The following TANC2 variants were observed in gnomAD, a reference collection of about 807,000 sequenced individuals.
TANC2 encodes the protein protein TANC2.
Under a neutral mutation model 210.5 loss-of-function variants are expected in TANC2, and 26 were observed. The observed-to-expected ratio is 0.12, with a 90% CI of 0.09 to 0.17. The LOEUF is 0.17. Among genes scored for constraint, TANC2 ranks in the 10% least tolerant of loss-of-function variants. The pLI is 1.00. For missense variants in TANC2, 2,129 were observed against 2,608.9 expected (o/e 0.82, Z 4.01); for synonymous variants, 931 against 967.1 (o/e 0.96, Z 0.69).
At chr17:62,987,488 G>A (rs1316489543) in intron 1 of TANC2, among the ~76,000 whole-genome samples, 2 of 152,190 alleles carry the variant, frequency 1.3e-5, no homozygotes, top group Non-Finnish European at 2.9e-5. Flanking sequence ...TCTTCTAACG[G>A]GGGTCAGGGC....
intron 4 of TANC2, among the ~76,000 whole-genome samples, chr17:63,103,432 A>G (rs1465325477): frequency 1.3e-5 from 2 of 152,170 alleles, no homozygotes; most frequent in Admixed American, 1.3e-4. Flanking sequence ...ACCTCACTCT[A>G]TTCAGTACAA....
intron 4 of TANC2, among the ~76,000 whole-genome samples, chr17:63,136,012 T>G (rs1433919653): frequency 6.6e-6 from 1 of 152,198 alleles, no homozygotes. Context: ...CTGCCTTATT[T>G]TATCTCATAC....
chr17:63,331,435 T>C (rs180953526), intron 11 of TANC2, among the ~76,000 whole-genome samples: 26 of 152,354 alleles, frequency 1.7e-4, no homozygotes, highest in African/African-American at 6.3e-4. Flanking sequence ...CAGTATGTTA[T>C]TGTGCCCACG....
At chr17:63,227,227 A>G (rs1301497012) in intron 7 of TANC2, among the ~76,000 whole-genome samples, 3 of 152,164 alleles carry the variant, frequency 2.0e-5, no homozygotes, top group Non-Finnish European at 4.4e-5. Context: ...CAATAGTGTA[A>G]AAGTATTCCT....
At position 63,267,900 on chromosome 17, in the gene TANC2, G is replaced by A. The variant is rs780043683; in HGVS notation, c.1159+27G>A. 1.7e-5 allele frequency: 27 copies of A among 1,590,650 alleles called. No individual in the cohort carries two copies. In the African/African-American group the frequency reaches 3.2e-4, roughly 19 times the overall value. On this transcript the variant is annotated intron_variant, in intron 9 of 27. Transcript: ENST00000689528. ...TTAGAACCACAGAAGGGCTTTAAGGGTGCCCGGGAACAGATGGAAATGGGC... is the reference window on the plus strand; with the variant it reads ...TTAGAACCACAGAAGGGCTTTAAGGATGCCCGGGAACAGATGGAAATGGGC...
At chr17:62,991,456 A>T (rs1598203251) in intron 1 of TANC2, among the ~76,000 whole-genome samples, 1 of 151,698 alleles carries the variant, frequency 6.6e-6, no homozygotes, top group Admixed American at 6.6e-5. Flanking sequence ...GGCTAACACG[A>T]CGAAACCCCG....
intron 2 of TANC2, among the ~76,000 whole-genome samples, chr17:63,061,700 CTG>C (rs943095878): frequency 6.6e-6 from 1 of 151,756 alleles, no homozygotes; most frequent in Non-Finnish European, 1.5e-5. Context: ...TACAGTTTTT[CTG>C]TTCTCTCTGG....
chr17:63,251,541 GA>G (rs1439793559), intron 8 of TANC2, among the ~76,000 whole-genome samples: 1 of 152,048 alleles, frequency 6.6e-6, no homozygotes, highest in African/African-American at 2.4e-5. Flanking sequence ...ATGAAGCAAA[GA>G]GAAACTAAAA....
Position 63,337,624 on chromosome 17 carries a change from TA to T in TANC2, c.1576-2474del, listed in dbSNP as rs67870514. ...TTCTTTCCAATCTTTTTTTTTTTTTTAAATTTTATTTTAAGGTCAGAGGCAC... is the reference window on the plus strand; with the variant it reads ...TTCTTTCCAATCTTTTTTTTTTTTTTAATTTTATTTTAAGGTCAGAGGCAC... On this transcript the variant is annotated intron_variant, in intron 11 of 27. Transcript: ENST00000689528. Among the ~76,000 whole-genome samples the T allele has an allele frequency of 9.8e-3, 1,365 of 139,786 alleles. 26 individuals are homozygous for T. Among genetic ancestry groups the T allele is most frequent in the African/African-American group, 0.039 (1,268 of 32,906 alleles). The allele number at this position is 139,786 out of a possible 152,430, so 91.7% of individuals were successfully genotyped here.
At chr17:62,967,575 A>G (rs947008264) in intron 1 of TANC2, 1 of 152,236 alleles carries the variant, frequency 6.6e-6, no homozygotes, top group Non-Finnish European at 1.5e-5. Context: ...GAAACAAACA[A>G]AACCCCAAAC....
At chr17:63,376,721 C>G (rs1411148212) in intron 14 of TANC2, among the ~76,000 whole-genome samples, 16 of 151,242 alleles carry the variant, frequency 1.1e-4, no homozygotes, top group Admixed American at 9.9e-4. Context: ...ATGTCTCAGA[C>G]AAGTGTAGCT....
intron 14 of TANC2, among the ~76,000 whole-genome samples, chr17:63,371,945 A>C (rs1486682542): frequency 1.3e-5 from 2 of 152,172 alleles, no homozygotes; most frequent in Non-Finnish European, 2.9e-5. Flanking sequence ...GGGACTACTC[A>C]TGCCTACAAA....
chr17:63,131,270 T>TA (rs984194745), intron 4 of TANC2, among the ~76,000 whole-genome samples: 3 of 152,212 alleles, frequency 2.0e-5, no homozygotes, highest in African/African-American at 7.2e-5. Flanking sequence ...TAATTACTGT[T>TA]ACATCAGTAT....
chr17:63,142,854 C>T (rs138997307), intron 4 of TANC2, among the ~76,000 whole-genome samples: 8 of 152,212 alleles, frequency 5.3e-5, no homozygotes, highest in African/African-American at 1.9e-4. Flanking sequence ...TATTAAACTC[C>T]GATGAGTTGG....
At chr17:62,971,575 C>T (rs949109955) in intron 1 of TANC2, among the ~76,000 whole-genome samples, 1 of 152,226 alleles carries the variant, frequency 6.6e-6, no homozygotes, top group Admixed American at 6.5e-5. Context: ...AGTGATCCAC[C>T]TGCCTTGGCC....
chr17:63,314,665 C>A (rs750638841), exon 10 of TANC2: 12 of 1,613,048 alleles, frequency 7.4e-6, no homozygotes, highest in Middle Eastern at 1.6e-4. Context: ...ATGCCTCCCC[C>A]AAACGTACGT....
At chr17:63,409,213 C>G (rs1322656541) in intron 21 of TANC2, among the ~76,000 whole-genome samples, 1 of 151,780 alleles carries the variant, frequency 6.6e-6, no homozygotes, top group Non-Finnish European at 1.5e-5. Context: ...ACTCCATCAC[C>G]CAGGCTGGAG....
chr17:63,390,616 C>T (rs911146993), intron 17 of TANC2: 1 of 152,168 alleles, frequency 6.6e-6, no homozygotes, highest in African/African-American at 2.4e-5. Flanking sequence ...TATGTGCCAC[C>T]ACACTCAGCT....
intron 5 of TANC2, among the ~76,000 whole-genome samples, chr17:63,170,690 A>C (rs2040375136): frequency 6.6e-6 from 1 of 152,210 alleles, no homozygotes; most frequent in Non-Finnish European, 1.5e-5. Context: ...TGGACACAGA[A>C]TCCCCATTAA....
Sources: allele counts gnomAD v4.1 joint callset (sites outside exome capture counted in the v4.1 genomes callset), GRCh38; gene constraint gnomAD v4.1.1; transcripts MANE v1.5; gene names NCBI Gene and HGNC (gene_info 2026-07-23, HGNC 2026-07-21).